Variants in ARHGAP44 observed in about 807,000 individuals in gnomAD.
ARHGAP44 encodes rho GTPase-activating protein 44.
Under a neutral mutation model 106.8 loss-of-function variants are expected in ARHGAP44, and 43 were observed. The ratio of observed to expected loss-of-function variants is 0.40; its 90% confidence interval spans 0.32 to 0.52. The LOEUF (loss-of-function observed/expected upper bound fraction) is 0.52, where lower values mean the gene tolerates loss of function less well. Among genes scored for constraint, ARHGAP44 ranks in the 20% least tolerant of loss-of-function variants. ARHGAP44 has a pLI of 0.48. For missense variants in ARHGAP44, 866 were observed against 1,050.5 expected (o/e 0.82, Z 2.43); for synonymous variants, 439 against 410.3 (o/e 1.07, Z -0.85).
At chr17:12,977,757 G>C (rs1181142821) in intron 18 of ARHGAP44, among the ~76,000 whole-genome samples, 1 of 152,064 alleles carries the variant, frequency 6.6e-6, no homozygotes, top group African/African-American at 2.4e-5. Context: ...AAGTGTGTCC[G>C]GGCCGGGCGT....
intron 1 of ARHGAP44, among the ~76,000 whole-genome samples, chr17:12,852,016 A>G (rs796767154): frequency 2.0e-5 from 3 of 151,176 alleles, no homozygotes; most frequent in African/African-American, 7.3e-5. Context: ...TTAGGAATGA[A>G]TTGAGCTCCA....
intron 3 of ARHGAP44, among the ~76,000 whole-genome samples, chr17:12,906,942 A>G (rs547452820): frequency 1.2e-3 from 131 of 113,510 alleles, no homozygotes; most frequent in Non-Finnish European, 1.8e-3. Context: ...CTTGTATCAA[A>G]AAACAAAACA....
chr17:12,929,147 C>A, intron 7 of ARHGAP44, 101 bp downstream of exon 7: 1 of 1,136,336 alleles, frequency 8.8e-7, no homozygotes, highest in Non-Finnish European at 1.3e-6. Context: ...GTCAGTGAGG[C>A]TCTAGTTGAA....
At chr17:12,868,591 T>TTTTATATATA (rs1278978418) in intron 1 of ARHGAP44, among the ~76,000 whole-genome samples, 26 of 47,154 alleles carry the variant, frequency 5.5e-4, no homozygotes, top group African/African-American at 1.5e-3. Context: ...TATATGCATT[T>TTTTATATATA]TATATATATA....
At chr17:12,807,704 G>A (rs986760410) in intron 1 of ARHGAP44, among the ~76,000 whole-genome samples, 2 of 152,154 alleles carry the variant, frequency 1.3e-5, no homozygotes, top group Non-Finnish European at 2.9e-5. Flanking sequence ...TTCAAGATGA[G>A]ATTTGGGTGG....
chr17:12,917,359 C>A (rs34231114), intron 5 of ARHGAP44: 7,016 of 153,028 alleles, frequency 0.046, 232 homozygotes, highest in Admixed American at 0.083. Context: ...GAAACTCAGT[C>A]CAGGAACCTC....
At chr17:12,873,022 A>T (rs528150998) in intron 1 of ARHGAP44, among the ~76,000 whole-genome samples, 10 of 152,214 alleles carry the variant, frequency 6.6e-5, no homozygotes, top group Middle Eastern at 3.4e-3. Flanking sequence ...CCTAATTCCC[A>T]TGAGGTGACT....
rs2039190977 is a variant in ARHGAP44 at position 12,958,844 on chromosome 17, G to A, written c.1470G>A (p.Arg490=). ...ADRRQPEQAR[R]PLSVATDNMM... is the part of the protein sequence containing the mutation. ...GGCGCCAGCCCGAGCAGGCCCGCCGGCCCCTCAGCGTCGCCACGGATAATA... is the reference window on the plus strand; with the variant it reads ...GGCGCCAGCCCGAGCAGGCCCGCCGACCCCTCAGCGTCGCCACGGATAATA... Residue 490 remains arginine, a synonymous_variant, in exon 16 of 21, where the codon CGG becomes CGA. Coordinates refer to ENST00000379672, the MANE Select transcript of ARHGAP44 (RefSeq NM_014859.6). The surrounding 1 kb of genome is among the most constrained non-coding windows in gnomAD (Gnocchi z 4.1). The A allele has an allele frequency of 6.2e-7, 1 of 1,611,862 alleles. No homozygotes were observed. Among genetic ancestry groups the A allele is most frequent in the Admixed American group, 1.7e-5 (1 of 59,520 alleles).
chr17:12,800,337 C>A (rs1039767287), intron 1 of ARHGAP44, among the ~76,000 whole-genome samples: 1 of 152,196 alleles, frequency 6.6e-6, no homozygotes, highest in African/African-American at 2.4e-5. Flanking sequence ...ATTGAATCCC[C>A]ATGGTGACTA....
At chr17:12,910,235 A>G (rs1014787149) in intron 4 of ARHGAP44, among the ~76,000 whole-genome samples, 64 of 151,796 alleles carry the variant, frequency 4.2e-4, no homozygotes, top group African/African-American at 1.5e-3. Context: ...AAGGTAGGAA[A>G]AAGATTGTGT....
intron 1 of ARHGAP44, among the ~76,000 whole-genome samples, chr17:12,882,310 C>T (rs1206224665): frequency 3.3e-5 from 5 of 151,990 alleles, no homozygotes; most frequent in African/African-American, 9.7e-5. Flanking sequence ...TTATATTGAT[C>T]TTGTATCTAG....
Position 12,896,394 on chromosome 17 carries a change from C to T in ARHGAP44, c.94-13C>T. On this transcript the variant is annotated splice_polypyrimidine_tract_variant and intron_variant, in intron 2 of 20. Coordinates refer to ENST00000379672, the MANE Select transcript of ARHGAP44 (RefSeq NM_014859.6). ...CCCTCTCTCAGTGGCACCACCCGCT[C>T]TTCTCTCTGCAGGTGGAGAAGCGTC... The T allele has an allele frequency of 1.1e-5, 18 of 1,582,174 alleles. No homozygotes were observed. Among genetic ancestry groups the T allele is most frequent in the Non-Finnish European group, 1.5e-5 (18 of 1,164,256 alleles).
At chr17:12,796,362 T>A (rs1483718424) in intron 1 of ARHGAP44, among the ~76,000 whole-genome samples, 1 of 152,212 alleles carries the variant, frequency 6.6e-6, no homozygotes, top group Non-Finnish European at 1.5e-5. Context: ...TCTCATGAAT[T>A]TAGCTTCTTA....
intron 1 of ARHGAP44, among the ~76,000 whole-genome samples, chr17:12,837,958 C>G (rs892299167): frequency 6.6e-6 from 1 of 152,132 alleles, no homozygotes; most frequent in Non-Finnish European, 1.5e-5. Flanking sequence ...AGCATCCTCC[C>G]TCTCATGGAC....
chr17:12,856,819 G>A (rs1300987953), intron 1 of ARHGAP44, among the ~76,000 whole-genome samples: 1 of 152,212 alleles, frequency 6.6e-6, no homozygotes, highest in African/African-American at 2.4e-5. Context: ...CTGATGCTTA[G>A]TGAAAGCTTA....
intron 16 of ARHGAP44, among the ~76,000 whole-genome samples, chr17:12,972,498 A>G (rs1466249330): frequency 6.6e-6 from 1 of 151,376 alleles, no homozygotes; most frequent in Non-Finnish European, 1.5e-5. Context: ...AAATACAAAA[A>G]TTAGCTGGGT....
chr17:12,850,097 A>G (rs74712177), intron 1 of ARHGAP44, among the ~76,000 whole-genome samples: 4,328 of 152,304 alleles, frequency 0.028, 210 homozygotes, highest in African/African-American at 0.098. Context: ...AAGACTTGTC[A>G]AAGGATAGCT....
At chr17:12,889,333 G>A (rs1158235330) in intron 1 of ARHGAP44, among the ~76,000 whole-genome samples, 2 of 152,174 alleles carry the variant, frequency 1.3e-5, no homozygotes, top group African/African-American at 2.4e-5. Context: ...TCAGAGTCCT[G>A]GAGGCTGGGA....
chr17:12,967,442 C>T (rs1053829240), intron 16 of ARHGAP44, among the ~76,000 whole-genome samples: 2 of 151,794 alleles, frequency 1.3e-5, no homozygotes, highest in Non-Finnish European at 2.9e-5. Context: ...AATTTGTCCA[C>T]GCTCCCCTCC....
Sources: gnomAD v4.1 joint callset for allele counts (sites outside exome capture counted in the v4.1 genomes callset) on GRCh38, gnomAD v4.1.1 for gene constraint, Gnocchi (gnomAD v3.1) non-coding constraint, MANE v1.5 for transcripts, NCBI Gene and HGNC (gene_info 2026-07-23, HGNC 2026-07-21) for gene names.